PDE10A: variants seen among roughly 807,000 people sequenced by gnomAD.
PDE10A encodes the protein phosphodiesterase 10A.
PDE10A carries 39 observed loss-of-function variants against 97.7 expected under a neutral mutation model. The ratio of observed to expected loss-of-function variants is 0.40; its 90% confidence interval spans 0.31 to 0.52. The LOEUF (loss-of-function observed/expected upper bound fraction) is 0.52, where lower values mean the gene tolerates loss of function less well. Ranked by LOEUF, PDE10A falls within the 20% of genes least tolerant of loss-of-function variation. The probability of loss-of-function intolerance (pLI) is 0.56; values close to 1 mark genes in which losing one functional copy is unlikely to be tolerated. For missense variants in PDE10A, 731 were observed against 1,047.8 expected, an observed-to-expected ratio of 0.70 and a Z score of 4.17; for synonymous variants, 371 against 376.8, an observed-to-expected ratio of 0.98 and a Z score of 0.18.
At chr6:165,399,558 A>G (rs995739097) in intron 13 of PDE10A, among the ~76,000 whole-genome samples, 1 of 151,756 alleles carries the variant, frequency 6.6e-6, no homozygotes, top group Non-Finnish European at 1.5e-5. Context: ...CATTAGGTAT[A>G]TCTCCTAATG....
At chr6:165,470,039 T>A (rs1778896433) in intron 3 of PDE10A, among the ~76,000 whole-genome samples, 1 of 152,152 alleles carries the variant, frequency 6.6e-6, no homozygotes, top group Non-Finnish European at 1.5e-5. Context: ...TGGTGTTTAG[T>A]CCATGTTTGC....
At chr6:165,485,426 T>G (rs570333614) in intron 2 of PDE10A, among the ~76,000 whole-genome samples, 23 of 141,464 alleles carry the variant, frequency 1.6e-4, no homozygotes, top group African/African-American at 4.3e-4. Context: ...CAAGGTCACA[T>G]GACTGCACTC....
intron 21 of PDE10A, among the ~76,000 whole-genome samples, chr6:165,334,296 C>T (rs575086553): frequency 3.2e-4 from 48 of 150,662 alleles, no homozygotes; most frequent in African/African-American, 9.6e-4. Context: ...GCCGGGCACG[C>T]GCCTCCATAG....
intron 1 of PDE10A, among the ~76,000 whole-genome samples, chr6:165,798,448 T>C (rs559414627): frequency 6.6e-6 from 1 of 152,304 alleles, no homozygotes; most frequent in Admixed American, 6.5e-5. Flanking sequence ...ATGTGGCCAC[T>C]GTGCTCATCC....
At chr6:165,828,646 A>T (rs187631306) in intron 1 of PDE10A, among the ~76,000 whole-genome samples, 4 of 152,332 alleles carry the variant, frequency 2.6e-5, no homozygotes, top group African/African-American at 9.6e-5. Context: ...TGCAGTTTGA[A>T]AATTCGATCA....
chr6:165,540,652 TG>T lies in PDE10A; in HGVS notation c.994+2787del, dbSNP rs556006327. Reference sequence around the variant, plus strand: ...GAGAACGGGACTTTCTTTTTTTGTTTGTTTGGTTGCTCTGCTGCCCAGGCTG... The same window carrying T: ...GAGAACGGGACTTTCTTTTTTTGTTTTTTGGTTGCTCTGCTGCCCAGGCTG... On this transcript the variant is annotated intron_variant, in intron 2 of 21. Transcript: ENST00000539869. Among the ~76,000 whole-genome samples, 583 of 152,240 alleles carry T rather than the reference TG, an allele frequency of 3.8e-3. 5 individuals are homozygous for T. Among genetic ancestry groups the T allele is most frequent in the African/African-American group, 0.013 (551 of 41,534 alleles).
At chr6:165,695,209 C>CAAAA (rs71029559) in intron 1 of PDE10A, among the ~76,000 whole-genome samples, 1 of 123,590 alleles carries the variant, frequency 8.1e-6, no homozygotes, top group Non-Finnish European at 1.7e-5. Context: ...TGAAAACTAC[C>CAAAA]AAAAAAAAAA....
intron 1 of PDE10A, among the ~76,000 whole-genome samples, chr6:165,704,426 A>G (rs1791658177): frequency 6.6e-6 from 1 of 152,182 alleles, no homozygotes; most frequent in Admixed American, 6.5e-5. Flanking sequence ...CAGCAGGAAT[A>G]ATAGGGACCT....
intron 5 of PDE10A, among the ~76,000 whole-genome samples, chr6:165,442,391 G>A (rs1264301843): frequency 1.3e-5 from 2 of 152,116 alleles, no homozygotes; most frequent in African/African-American, 4.8e-5. Context: ...AGAACATGCG[G>A]TGTTTGGTTT....
At chr6:165,573,687 T>C (rs983358547) in intron 1 of PDE10A, among the ~76,000 whole-genome samples, 1 of 152,180 alleles carries the variant, frequency 6.6e-6, no homozygotes. Flanking sequence ...CTAGCAAACA[T>C]TATTTCTGCC....
chr6:165,345,545 C>T (rs958099036), intron 18 of PDE10A, among the ~76,000 whole-genome samples: 1 of 152,168 alleles, frequency 6.6e-6, no homozygotes, highest in African/African-American at 2.4e-5. Context: ...TGAGGTAGAT[C>T]CTTAACTCCA....
At chr6:165,748,106 G>A (rs1792885047) in intron 1 of PDE10A, among the ~76,000 whole-genome samples, 1 of 152,130 alleles carries the variant, frequency 6.6e-6, no homozygotes, top group South Asian at 2.1e-4. Context: ...GAGAGACCTG[G>A]CAGAGAAACA....
chr6:165,381,631 A>ATTTTTTTTTTTTT (rs547827126), intron 17 of PDE10A, among the ~76,000 whole-genome samples: 13 of 118,664 alleles, frequency 1.1e-4, no homozygotes, highest in Non-Finnish European at 1.8e-4. Context: ...CACCTGGCTA[A>ATTTTTTTTTTTTT]TTTTTTTTTT....
intron 1 of PDE10A, among the ~76,000 whole-genome samples, chr6:165,768,396 G>A (rs1777920911): frequency 6.6e-6 from 1 of 151,950 alleles, no homozygotes. Context: ...TCTTCTAAGA[G>A]TTTTACTTTT....
chr6:165,494,465 T>G (rs6904000), intron 2 of PDE10A, among the ~76,000 whole-genome samples: 32,848 of 130,636 alleles, frequency 0.25, 4,114 homozygotes, highest in African/African-American at 0.33. Context: ...TGGGGGGGGG[T>G]GTGTGTGTGT....
chr6:165,656,254 TCTCTCA>T (rs1396040593), intron 1 of PDE10A, among the ~76,000 whole-genome samples: 86 of 101,082 alleles, frequency 8.5e-4, no homozygotes, highest in Middle Eastern at 0.013. Context: ...TCTCTCTCTC[TCTCTCA>T]CACACACACA....
chr6:165,413,774 T>A, intron 12 of PDE10A, 87 bp from the exon 13 acceptor site: 2 of 1,065,010 alleles, frequency 1.9e-6, no homozygotes, highest in South Asian at 1.6e-5. Context: ...CTCCCCTCAA[T>A]CTTTGCAATT....
chr6:165,872,350 G>A (rs1338125951), intron 1 of PDE10A, among the ~76,000 whole-genome samples: 2 of 152,140 alleles, frequency 1.3e-5, no homozygotes, highest in Non-Finnish European at 2.9e-5. Flanking sequence ...CCCTTTTAGT[G>A]ACTGAATATA....
chr6:165,576,413 T>C (rs1484714886), intron 1 of PDE10A: 2 of 780,946 alleles, frequency 2.6e-6, no homozygotes, highest in Non-Finnish European at 4.8e-6. Flanking sequence ...TCTACTCACC[T>C]GTTAAATGTT....
Sources: allele counts gnomAD v4.1 joint callset (sites outside exome capture counted in the v4.1 genomes callset), GRCh38; gene constraint gnomAD v4.1.1; transcripts MANE v1.5; gene names NCBI Gene and HGNC (gene_info 2026-07-23, HGNC 2026-07-21).